The following KANSL1L variants were observed in gnomAD, a reference collection of about 807,000 sequenced individuals.
KANSL1L encodes the protein KAT8 regulatory NSL complex subunit 1 like, also known as KAT8 regulatory NSL complex subunit 1-like protein.
Under a neutral mutation model 108.6 loss-of-function variants are expected in KANSL1L, and 25 were observed. The ratio of observed to expected loss-of-function variants is 0.23; its 90% confidence interval spans 0.17 to 0.32. The LOEUF (loss-of-function observed/expected upper bound fraction) is 0.32. Among genes scored for constraint, KANSL1L ranks in the 10% least tolerant of loss-of-function variants. The pLI is 1.00. For missense variants in KANSL1L, 1,137 were observed against 1,125.7 expected (o/e 1.01, Z -0.14); for synonymous variants, 405 against 395.1 (o/e 1.03, Z -0.30).
At chr2:210,064,292 C>T (rs551559217) in intron 6 of KANSL1L, 30 of 152,132 alleles carry the variant, frequency 2.0e-4, no homozygotes, top group African/African-American at 7.2e-4. Flanking sequence ...TGGACTAATA[C>T]AGAAATTAAA....
intron 3 of KANSL1L, among the ~76,000 whole-genome samples, chr2:210,114,296 AAAC>A (rs796103689): frequency 2.6e-5 from 4 of 152,198 alleles, no homozygotes; most frequent in African/African-American, 9.6e-5. Context: ...AAACAAAAGA[AAAC>A]AAGACAAAAT....
chr2:210,112,242 G>A (rs1445853524), intron 3 of KANSL1L, among the ~76,000 whole-genome samples: 1 of 152,086 alleles, frequency 6.6e-6, no homozygotes, highest in Non-Finnish European at 1.5e-5. Flanking sequence ...ACAGCAATGG[G>A]GAAAGGATTC....
chr2:210,115,725 A>G (rs993141970), intron 3 of KANSL1L, among the ~76,000 whole-genome samples: 2 of 152,232 alleles, frequency 1.3e-5, no homozygotes, highest in African/African-American at 4.8e-5. Context: ...GTTAGCATGA[A>G]GCAATAACTG....
chr2:210,025,542 G>T (rs1026325206), intron 12 of KANSL1L, among the ~76,000 whole-genome samples: 1 of 151,952 alleles, frequency 6.6e-6, no homozygotes, highest in Non-Finnish European at 1.5e-5. Context: ...GTGACAGGGC[G>T]AGACTCTGTC....
intron 7 of KANSL1L, among the ~76,000 whole-genome samples, chr2:210,042,636 G>A (rs1325044316): frequency 6.6e-6 from 1 of 152,120 alleles, no homozygotes; most frequent in African/African-American, 2.4e-5. Flanking sequence ...CTATTCTCAT[G>A]GAGTTGTGGG....
chr2:210,096,520 A>G, intron 5 of KANSL1L: 1 of 984,982 alleles, frequency 1.0e-6, no homozygotes, highest in Non-Finnish European at 1.2e-6. Flanking sequence ...ACACATGAAC[A>G]CACACATGTA....
intron 1 of KANSL1L, among the ~76,000 whole-genome samples, chr2:210,165,536 T>C (rs1406471809): frequency 1.3e-5 from 2 of 152,182 alleles, no homozygotes; most frequent in East Asian, 1.9e-4. Context: ...AAGTTAAATC[T>C]ACACCATAAA....
At chr2:210,127,597 G>A (rs1037889251) in intron 3 of KANSL1L, among the ~76,000 whole-genome samples, 5 of 151,570 alleles carry the variant, frequency 3.3e-5, no homozygotes, top group South Asian at 2.1e-4. Context: ...CTAGGAGTTC[G>A]AGACCAGCCT....
At chr2:210,090,150 A>T (rs1188013048) in intron 5 of KANSL1L, among the ~76,000 whole-genome samples, 1 of 152,216 alleles carries the variant, frequency 6.6e-6, no homozygotes, top group Non-Finnish European at 1.5e-5. Flanking sequence ...ATCAATGGCT[A>T]ACATTATTAG....
At chr2:210,035,023 A>G (rs531459834) in intron 8 of KANSL1L, 1 of 151,634 alleles carries the variant, frequency 6.6e-6, no homozygotes, top group South Asian at 2.1e-4. Context: ...ATCAATGTGT[A>G]TTTCTCAAAA....
chr2:210,123,549 G>C (rs1239140669), intron 3 of KANSL1L, among the ~76,000 whole-genome samples: 1 of 151,728 alleles, frequency 6.6e-6, no homozygotes, highest in Non-Finnish European at 1.5e-5. Flanking sequence ...GGGGAGAATG[G>C]GGATGGCTAA....
intron 9 of KANSL1L, 81 bp downstream of exon 9, chr2:210,031,340 T>G (rs943363052): frequency 3.2e-6 from 3 of 946,160 alleles, no homozygotes; most frequent in African/African-American, 3.4e-5. Context: ...GATTATAAAC[T>G]CCCATGAGAG....
Position 210,154,898 on chromosome 2 carries a change from C to A in KANSL1L, c.-29-287G>T, listed in dbSNP as rs1219832043. ...TACATCTCAGAATTCTATTTTTTGA[C>A]AACATTTAATTACAGTCAAAAGAAA... is the stretch of plus-strand genomic sequence containing the variant. On this transcript the variant is annotated intron_variant, in intron 1 of 14. Coordinates refer to ENST00000281772, the MANE Select transcript of KANSL1L (RefSeq NM_152519.4). 5.3e-5 allele frequency among the ~76,000 whole-genome samples: 8 copies of A among 149,570 alleles called. No individual in the cohort carries two copies. The East Asian group carries it at 5.9e-4, about 11-fold the overall frequency.
At chr2:210,080,062 G>C (rs1008926635) in intron 5 of KANSL1L, among the ~76,000 whole-genome samples, 2 of 150,676 alleles carry the variant, frequency 1.3e-5, no homozygotes, top group Non-Finnish European at 3.0e-5. Flanking sequence ...TTCCCCTCTA[G>C]TCCCTTCTAT....
chr2:210,091,799 T>A (rs963169224), intron 5 of KANSL1L, among the ~76,000 whole-genome samples: 2 of 152,174 alleles, frequency 1.3e-5, no homozygotes, highest in African/African-American at 2.4e-5. Flanking sequence ...TTCATCCCAA[T>A]TTTCCATCCA....
intron 8 of KANSL1L, among the ~76,000 whole-genome samples, chr2:210,037,077 A>T (rs556889738): frequency 6.6e-6 from 1 of 152,222 alleles, no homozygotes; most frequent in South Asian, 2.1e-4. Flanking sequence ...TTTTAAATCA[A>T]ATAGTAGAAC....
chr2:210,103,435 G>A (rs1431729230), intron 4 of KANSL1L, among the ~76,000 whole-genome samples: 2 of 151,982 alleles, frequency 1.3e-5, no homozygotes, highest in African/African-American at 4.8e-5. Context: ...AAACCTGCAC[G>A]TTGTGCACAT....
At position 210,022,603 on chromosome 2, in the gene KANSL1L, T is replaced by G. The variant is rs549925017; in HGVS notation, c.*346A>C. 5.9e-5 allele frequency: 12 copies of G among 202,960 alleles called. No individual in the cohort carries two copies. The East Asian group carries it at 1.5e-3, about 26-fold the overall frequency. The allele number at this position is 202,960 out of a possible 1,614,324, so 12.6% of individuals were successfully genotyped here. ...AGCTGTCACTTGGCACACAGGTTTG[T>G]ATGTATGTGTATATATATATGTATG... On this transcript the variant is annotated 3_prime_UTR_variant, in exon 15 of 15. Coordinates refer to ENST00000281772, the MANE Select transcript of KANSL1L (RefSeq NM_152519.4).
intron 6 of KANSL1L, among the ~76,000 whole-genome samples, chr2:210,060,837 T>C (rs1323426812): frequency 6.6e-6 from 1 of 152,228 alleles, no homozygotes; most frequent in African/African-American, 2.4e-5. Context: ...GATAAGTGAG[T>C]GTCCTGCAAA....
Sources: allele counts gnomAD v4.1 joint callset (sites outside exome capture counted in the v4.1 genomes callset), GRCh38; gene constraint gnomAD v4.1.1; transcripts MANE v1.5; gene names NCBI Gene and HGNC (gene_info 2026-07-23, HGNC 2026-07-21).